Variants in CADPS2 observed in about 807,000 individuals in gnomAD.
CADPS2 encodes calcium-dependent secretion activator 2.
In CADPS2, 93 loss-of-function variants were observed where a neutral mutation model predicts 172.5. The observed-to-expected ratio is 0.54, with a 90% CI of 0.46 to 0.64. The LOEUF is 0.64. Ranked by LOEUF, CADPS2 falls within the 30% of genes least tolerant of loss-of-function variation. CADPS2 has a pLI of 0.00. For missense variants in CADPS2, 1,420 were observed against 1,565.9 expected, an observed-to-expected ratio of 0.91 and a Z score of 1.57; for synonymous variants, 546 against 555.2, an observed-to-expected ratio of 0.98 and a Z score of 0.23.
At chr7:122,596,917 C>T (rs146237437) in intron 6 of CADPS2, among the ~76,000 whole-genome samples, 9 of 152,092 alleles carry the variant, frequency 5.9e-5, no homozygotes, top group Admixed American at 2.6e-4. Context: ...GGCTGGAAGA[C>T]TGGGTGTCCA....
intron 2 of CADPS2, among the ~76,000 whole-genome samples, chr7:122,707,672 G>A (rs1015729378): frequency 4.0e-5 from 6 of 151,578 alleles, no homozygotes; most frequent in Non-Finnish European, 7.4e-5. Context: ...GAATCATAAC[G>A]AGATCTGAGG....
chr7:122,372,369 C>G (rs767322204), intron 25 of CADPS2, among the ~76,000 whole-genome samples: 180 of 152,062 alleles, frequency 1.2e-3, no homozygotes, highest in Non-Finnish European at 2.2e-3. Context: ...CATTTAGTTG[C>G]CAGTGGAGAG....
At chr7:122,394,387 A>G (rs1172479406) in intron 20 of CADPS2, among the ~76,000 whole-genome samples, 1 of 152,220 alleles carries the variant, frequency 6.6e-6, no homozygotes, top group Non-Finnish European at 1.5e-5. Context: ...TAGAGAATCT[A>G]TATGAAAACA....
intron 8 of CADPS2, among the ~76,000 whole-genome samples, chr7:122,537,703 TA>T (rs2062452322): frequency 6.6e-6 from 1 of 151,558 alleles, no homozygotes; most frequent in Admixed American, 6.6e-5. Context: ...AGAAAGGAAA[TA>T]ATGAAGATTT....
chr7:122,783,088 C>A (rs186696220), intron 1 of CADPS2, among the ~76,000 whole-genome samples: 9 of 151,172 alleles, frequency 6.0e-5, no homozygotes, highest in African/African-American at 2.2e-4. Flanking sequence ...GGTGGGCGGG[C>A]GCCTGTGGTC....
At chr7:122,581,738 TC>T (rs2068851579) in intron 6 of CADPS2, among the ~76,000 whole-genome samples, 1 of 152,128 alleles carries the variant, frequency 6.6e-6, no homozygotes, top group Non-Finnish European at 1.5e-5. Context: ...TTAAACATTA[TC>T]TTTTTTTAAA....
Position 122,392,348 on chromosome 7 carries a change from T to C in CADPS2, c.3008+848A>G, listed in dbSNP as rs527353515. On this transcript the variant is annotated intron_variant, in intron 22 of 29. Transcript: ENST00000449022. ...CTGGGTGCCTAGGATATGCCAATAG[T>C]ACTAATAATTTACTGAGAGCCTAGG... Among the ~76,000 whole-genome samples, 3 of 152,076 alleles carry C rather than the reference T, an allele frequency of 2.0e-5. No homozygotes were observed. In the East Asian group the frequency reaches 5.8e-4, roughly 29 times the overall value.
rs74332831 is a variant in CADPS2, at chr7:122,623,931, G to A, written c.868-2214C>T. ...GCACAAGAACAAAAATAATCTATTTGTATTTAGCTTTAACTATAAACACTT... is the reference window on the plus strand; with the variant it reads ...GCACAAGAACAAAAATAATCTATTTATATTTAGCTTTAACTATAAACACTT... On this transcript the variant is annotated intron_variant, in intron 4 of 29. Transcript: ENST00000449022. Among the ~76,000 whole-genome samples, 361 of 152,272 alleles carry A rather than the reference G, an allele frequency of 2.4e-3. 4 individuals carry two copies. The East Asian group carries it at 0.042, about 18-fold the overall frequency.
chr7:122,829,326 T>A (rs1805819800), intron 1 of CADPS2, among the ~76,000 whole-genome samples: 1 of 152,140 alleles, frequency 6.6e-6, no homozygotes, highest in Non-Finnish European at 1.5e-5. Context: ...TCCTTCAACA[T>A]TAGGATGAAG....
chr7:122,600,729 G>C (rs2072633451), intron 6 of CADPS2, among the ~76,000 whole-genome samples: 2 of 152,036 alleles, frequency 1.3e-5, no homozygotes, highest in African/African-American at 4.8e-5. Context: ...AATAACTTTT[G>C]TCTGTTTGGG....
chr7:122,729,659 T>C (rs2091450765), intron 2 of CADPS2, among the ~76,000 whole-genome samples: 1 of 147,090 alleles, frequency 6.8e-6, no homozygotes, highest in Non-Finnish European at 1.5e-5. Context: ...ATTTATGCCC[T>C]TTGCCCATTT....
At chr7:122,419,405 A>C (rs539916898) in intron 17 of CADPS2, among the ~76,000 whole-genome samples, 3 of 152,324 alleles carry the variant, frequency 2.0e-5, no homozygotes, top group Admixed American at 6.5e-5. Flanking sequence ...AGAAACAAAA[A>C]CTTTGTCAGA....
rs1053798420 is a variant in CADPS2, at chr7:122,447,256, T to C, written c.2288+4118A>G. On this transcript the variant is annotated intron_variant, in intron 15 of 29. Coordinates refer to ENST00000449022, the MANE Select transcript of CADPS2 (RefSeq NM_017954.11). ...ATAGTTTGTTCATAATTCATACTTATATTTGTTTTTGATGTCCTCTCTTTA... is the reference window on the plus strand; with the variant it reads ...ATAGTTTGTTCATAATTCATACTTACATTTGTTTTTGATGTCCTCTCTTTA... Among the ~76,000 whole-genome samples the C allele has an allele frequency of 5.9e-5, 9 of 152,198 alleles. No homozygotes were observed. In the East Asian group the frequency reaches 9.7e-4, roughly 16 times the overall value.
intron 1 of CADPS2, chr7:122,850,122 TC>T (rs1813136621): frequency 1.2e-5 from 16 of 1,317,928 alleles, no homozygotes; most frequent in Non-Finnish European, 1.6e-5. Flanking sequence ...CATCAACAAC[TC>T]CGAGTTTTAG....
At chr7:122,704,512 A>G (rs2086677709) in intron 2 of CADPS2, among the ~76,000 whole-genome samples, 2 of 152,050 alleles carry the variant, frequency 1.3e-5, no homozygotes, top group Non-Finnish European at 1.5e-5. Context: ...ACAAAATAAT[A>G]TAACTCTGAC....
rs1468965377 is a variant in CADPS2 at position 122,319,240 on chromosome 7, A to C, written c.*925T>G. 6.6e-6 allele frequency: 1 copy of C among 152,250 alleles called. No individual in the cohort carries two copies. Among genetic ancestry groups the C allele is most frequent in the Non-Finnish European group, 1.5e-5 (1 of 68,034 alleles). 9.4% of individuals were successfully genotyped at this position (152,250 alleles called of 1,614,324 possible). On this transcript the variant is annotated 3_prime_UTR_variant, in exon 30 of 30. Coordinates refer to ENST00000449022, the MANE Select transcript of CADPS2 (RefSeq NM_017954.11). ...GGTACAAAGAACAGTCAGTGTTACT[A>C]TCTTTTACTCATTTGATTAAAAACA...
At chr7:122,755,784 G>A (rs2093134952) in intron 1 of CADPS2, among the ~76,000 whole-genome samples, 1 of 151,906 alleles carries the variant, frequency 6.6e-6, no homozygotes, top group Admixed American at 6.6e-5. Context: ...CTATGTTTGT[G>A]TTCTATACTG....
intron 1 of CADPS2, among the ~76,000 whole-genome samples, chr7:122,829,700 G>A (rs937277819): frequency 2.0e-5 from 3 of 151,796 alleles, no homozygotes; most frequent in African/African-American, 4.8e-5. Flanking sequence ...TAGAACCACT[G>A]TAAAAATATA....
At chr7:122,842,290 C>A (rs567077392) in intron 1 of CADPS2, among the ~76,000 whole-genome samples, 7 of 152,086 alleles carry the variant, frequency 4.6e-5, no homozygotes, top group Admixed American at 2.6e-4. Context: ...GAAAGCAGGA[C>A]GGAGGAGGGT....
Sources: gnomAD v4.1 joint callset for allele counts (sites outside exome capture counted in the v4.1 genomes callset) on GRCh38, gnomAD v4.1.1 for gene constraint, MANE v1.5 for transcripts, NCBI Gene and HGNC (gene_info 2026-07-23, HGNC 2026-07-21) for gene names.